The following CNTNAP2 variants were observed in gnomAD, a reference collection of about 807,000 sequenced individuals.
CNTNAP2 encodes contactin-associated protein-like 2.
A neutral mutation model predicts 155.2 loss-of-function variants in CNTNAP2; 98 were observed. The ratio of observed to expected loss-of-function variants is 0.63; its 90% confidence interval spans 0.54 to 0.75. The LOEUF (loss-of-function observed/expected upper bound fraction) is 0.75. CNTNAP2 is among the 30% of genes least tolerant of loss of function. The pLI is 0.00. For missense variants in CNTNAP2, 1,727 were observed against 1,688.1 expected, an observed-to-expected ratio of 1.02 and a Z score of -0.40; for synonymous variants, 651 against 631.2, an observed-to-expected ratio of 1.03 and a Z score of -0.47.
chr7:146,958,554 C>T (rs962769799), intron 3 of CNTNAP2, among the ~76,000 whole-genome samples: 4 of 150,816 alleles, frequency 2.7e-5, no homozygotes, highest in Non-Finnish European at 5.9e-5. Context: ...GCTGGGACTA[C>T]AGGCACCCGC....
At chr7:146,507,699 A>T (rs773419096) in intron 1 of CNTNAP2, among the ~76,000 whole-genome samples, 1 of 152,144 alleles carries the variant, frequency 6.6e-6, no homozygotes, top group Non-Finnish European at 1.5e-5. Flanking sequence ...GTTTTCATTC[A>T]CAGCCAAACT....
At chr7:146,395,775 C>T (rs201131855) in intron 1 of CNTNAP2, among the ~76,000 whole-genome samples, 2 of 60,914 alleles carry the variant, frequency 3.3e-5, no homozygotes, top group Non-Finnish European at 8.8e-5. Flanking sequence ...TCTAGATAGA[C>T]AGATGATAGA....
intron 1 of CNTNAP2, among the ~76,000 whole-genome samples, chr7:146,697,950 C>T (rs1800810113): frequency 6.6e-6 from 1 of 151,944 alleles, no homozygotes; most frequent in Non-Finnish European, 1.5e-5. Context: ...CTCTTTTTTA[C>T]TTCTATTTTA....
At chr7:147,521,948 CATA>C (rs1484070876) in intron 11 of CNTNAP2, among the ~76,000 whole-genome samples, 1 of 152,204 alleles carries the variant, frequency 6.6e-6, no homozygotes, top group African/African-American at 2.4e-5. Flanking sequence ...AACCAAATGC[CATA>C]AACTGCATGG....
At chr7:146,531,577 G>C (rs749639503) in intron 1 of CNTNAP2, among the ~76,000 whole-genome samples, 3 of 152,118 alleles carry the variant, frequency 2.0e-5, no homozygotes, top group Admixed American at 1.3e-4. Flanking sequence ...GCGGAGTCTC[G>C]CTCAGTTGCC....
intron 1 of CNTNAP2, among the ~76,000 whole-genome samples, chr7:146,136,675 A>G (rs1456656459): frequency 1.5e-3 from 1 of 668 alleles, no homozygotes; most frequent in Non-Finnish European, 2.3e-3. Context: ...GTTCTTTAGT[A>G]GGTGGGGCCC....
chr7:148,338,984 C>T (rs1798173327), intron 21 of CNTNAP2, among the ~76,000 whole-genome samples: 1 of 152,112 alleles, frequency 6.6e-6, no homozygotes, highest in East Asian at 1.9e-4. Flanking sequence ...TATATTTTTT[C>T]CCAGATCCCA....
intron 12 of CNTNAP2, among the ~76,000 whole-genome samples, chr7:147,578,286 T>A (rs943661073): frequency 6.6e-6 from 1 of 152,150 alleles, no homozygotes; most frequent in Non-Finnish European, 1.5e-5. Context: ...ATAAAACAAC[T>A]GATATTTTCT....
At chr7:147,782,081 A>C (rs1261641928) in intron 13 of CNTNAP2, among the ~76,000 whole-genome samples, 3 of 152,098 alleles carry the variant, frequency 2.0e-5, no homozygotes, top group African/African-American at 7.2e-5. Flanking sequence ...AGAATCTCTA[A>C]AGGGGGCCAG....
At chr7:148,026,121 C>T (rs541293362) in intron 15 of CNTNAP2, among the ~76,000 whole-genome samples, 1 of 152,212 alleles carries the variant, frequency 6.6e-6, no homozygotes, top group Admixed American at 6.5e-5. Flanking sequence ...CAGGAAATGA[C>T]AGCTTACCCC....
chr7:146,968,233 T>C (rs1797700882), intron 3 of CNTNAP2, among the ~76,000 whole-genome samples: 1 of 152,136 alleles, frequency 6.6e-6, no homozygotes, highest in Admixed American at 6.6e-5. Flanking sequence ...TGCGGATTTT[T>C]GCATCAATGT....
At chr7:148,163,189 C>A (rs1805583949) in intron 17 of CNTNAP2, among the ~76,000 whole-genome samples, 1 of 152,166 alleles carries the variant, frequency 6.6e-6, no homozygotes, top group Non-Finnish European at 1.5e-5. Flanking sequence ...AGTAAGAGTG[C>A]AGGCTTAAAA....
At chr7:147,155,152 A>G (rs899816867) in intron 8 of CNTNAP2, among the ~76,000 whole-genome samples, 1 of 152,084 alleles carries the variant, frequency 6.6e-6, no homozygotes, top group Non-Finnish European at 1.5e-5. Flanking sequence ...GTGATTAGGT[A>G]TGGAGGACAA....
intron 15 of CNTNAP2, among the ~76,000 whole-genome samples, chr7:148,053,513 C>G (rs562477323): frequency 3.0e-4 from 46 of 152,148 alleles, no homozygotes; most frequent in Non-Finnish European, 3.4e-4. Flanking sequence ...TATGGCTGTG[C>G]CTATTTAAAG....
At chr7:146,152,783 A>C (rs1433984136) in intron 1 of CNTNAP2, among the ~76,000 whole-genome samples, 1 of 152,126 alleles carries the variant, frequency 6.6e-6, no homozygotes, top group African/African-American at 2.4e-5. Context: ...CTTAATAAAC[A>C]TATTTCTTTG....
At chr7:147,720,593 G>A (rs560034030) in intron 13 of CNTNAP2, among the ~76,000 whole-genome samples, 29 of 152,190 alleles carry the variant, frequency 1.9e-4, no homozygotes, top group African/African-American at 6.5e-4. Flanking sequence ...GAGACCAGGT[G>A]GAGGTAATTG....
chr7:146,269,858 G>T (rs1262652614), intron 1 of CNTNAP2, among the ~76,000 whole-genome samples: 2 of 152,178 alleles, frequency 1.3e-5, no homozygotes, highest in African/African-American at 4.8e-5. Context: ...ACCTGAACTG[G>T]CCAACCATGA....
At chr7:146,569,354 A>G (rs1278877477) in intron 1 of CNTNAP2, among the ~76,000 whole-genome samples, 9 of 152,212 alleles carry the variant, frequency 5.9e-5, no homozygotes, top group African/African-American at 2.2e-4. Context: ...AAGTCATCAC[A>G]GTGAAATTCT....
chr7:146,723,683 C>G (rs966200367), intron 1 of CNTNAP2, among the ~76,000 whole-genome samples: 5 of 152,126 alleles, frequency 3.3e-5, no homozygotes, highest in Admixed American at 2.6e-4. Flanking sequence ...CAATGCAGTT[C>G]AATCAGTAGT....
Sources: gnomAD v4.1 joint callset for allele counts (sites outside exome capture counted in the v4.1 genomes callset) on GRCh38, gnomAD v4.1.1 for gene constraint, MANE v1.5 for transcripts, NCBI Gene and HGNC (gene_info 2026-07-23, HGNC 2026-07-21) for gene names.